PRKN: variants seen among roughly 807,000 people sequenced by gnomAD.
PRKN encodes the protein E3 ubiquitin-protein ligase parkin.
PRKN carries 56 observed loss-of-function variants against 59.5 expected under a neutral mutation model. That is an observed-to-expected ratio of 0.94 (90% CI 0.76 to 1.18). PRKN has a LOEUF of 1.18. Among genes scored for constraint, PRKN ranks in the 50% most tolerant of loss-of-function variants. The pLI is 0.00. For missense variants in PRKN, 657 were observed against 596.4 expected (o/e 1.10, Z -1.06); for synonymous variants, 250 against 222.1 (o/e 1.13, Z -1.12).
At chr6:162,251,385 A>T (rs1018658947) in intron 3 of PRKN, among the ~76,000 whole-genome samples, 1 of 152,150 alleles carries the variant, frequency 6.6e-6, no homozygotes, top group Non-Finnish European at 1.5e-5. Context: ...ATTATGGAAT[A>T]TGATGATCAA....
At chr6:162,399,329 G>A (rs1445237522) in intron 2 of PRKN, among the ~76,000 whole-genome samples, 1 of 152,150 alleles carries the variant, frequency 6.6e-6, no homozygotes, top group Non-Finnish European at 1.5e-5. Flanking sequence ...ATTTGGTTTA[G>A]AGTAACAGAG....
intron 6 of PRKN, among the ~76,000 whole-genome samples, chr6:161,864,256 T>A (rs750514762): frequency 6.6e-6 from 1 of 152,186 alleles, no homozygotes; most frequent in African/African-American, 2.4e-5. Flanking sequence ...CAACTAAGTG[T>A]ATGTAATATT....
At chr6:162,255,841 G>A (rs1271114014) in intron 3 of PRKN, among the ~76,000 whole-genome samples, 1 of 152,134 alleles carries the variant, frequency 6.6e-6, no homozygotes, top group Non-Finnish European at 1.5e-5. Flanking sequence ...GTATATACCA[G>A]GAACTGTGGT....
At chr6:161,944,084 C>A (rs1040728094) in intron 6 of PRKN, among the ~76,000 whole-genome samples, 9 of 115,742 alleles carry the variant, frequency 7.8e-5, no homozygotes, top group African/African-American at 3.4e-4. Context: ...GCCTGAGGGA[C>A]CAGCCTGAGG....
At chr6:161,712,930 A>G (rs905058203) in intron 7 of PRKN, among the ~76,000 whole-genome samples, 1 of 152,098 alleles carries the variant, frequency 6.6e-6, no homozygotes, top group Non-Finnish European at 1.5e-5. Flanking sequence ...TGGGTATCCT[A>G]TAATTCAACT....
At chr6:162,306,620 C>T (rs748132836) in intron 2 of PRKN, among the ~76,000 whole-genome samples, 1 of 152,188 alleles carries the variant, frequency 6.6e-6, no homozygotes, top group Non-Finnish European at 1.5e-5. Flanking sequence ...CTCAGCTGCA[C>T]ACAACGGAAG....
chr6:162,514,175 T>C (rs1026501530), intron 1 of PRKN, among the ~76,000 whole-genome samples: 1 of 151,992 alleles, frequency 6.6e-6, no homozygotes, highest in African/African-American at 2.4e-5. Context: ...AATATGAAAA[T>C]AGTAAGTAAA....
At chr6:161,679,671 AC>A (rs1434446086) in intron 7 of PRKN, among the ~76,000 whole-genome samples, 1 of 53,964 alleles carries the variant, frequency 1.9e-5, no homozygotes, top group African/African-American at 5.3e-5. Flanking sequence ...TTATAATAGA[AC>A]CACCCCCCCC....
chr6:162,489,841 T>G (rs947203374), intron 1 of PRKN, among the ~76,000 whole-genome samples: 1 of 152,240 alleles, frequency 6.6e-6, no homozygotes. Flanking sequence ...ACAGTCTCTT[T>G]GCTTCCAGTA....
At chr6:162,015,990 C>T (rs1217342380) in intron 5 of PRKN, among the ~76,000 whole-genome samples, 1 of 152,118 alleles carries the variant, frequency 6.6e-6, no homozygotes, top group East Asian at 1.9e-4. Flanking sequence ...AGTATTCATT[C>T]TGAGACTCTA....
chr6:162,117,669 C>T (rs1163088412), intron 4 of PRKN, among the ~76,000 whole-genome samples: 1 of 152,202 alleles, frequency 6.6e-6, no homozygotes, highest in East Asian at 1.9e-4. Context: ...CGAACAACAG[C>T]CTCAAGATGG....
Position 161,530,981 on chromosome 6 carries a change from G to C in PRKN, c.1083+17873C>G, listed in dbSNP as rs1779183772. The stretch of plus-strand genomic sequence containing the variant: ...GTTTCATATTTTCAACTACCTACGG[G>C]ATATTTTATTGCTTCAAACAGAACA... On this transcript the variant is annotated intron_variant, in intron 9 of 11. Coordinates refer to ENST00000366898, the MANE Select transcript of PRKN (RefSeq NM_004562.3). The surrounding 1 kb of genome is among the most constrained non-coding windows in gnomAD (Gnocchi z 5.0). 6.6e-6 allele frequency among the ~76,000 whole-genome samples: 1 copy of C among 152,076 alleles called. No homozygotes were observed. Among genetic ancestry groups the C allele is most frequent in the Admixed American group, 6.5e-5 (1 of 15,270 alleles).
chr6:162,439,654 C>A (rs1789956759), intron 2 of PRKN, among the ~76,000 whole-genome samples: 1 of 150,926 alleles, frequency 6.6e-6, no homozygotes. Flanking sequence ...GCCTCTGCCA[C>A]CCCTGAGACA....
Position 161,456,571 on chromosome 6 carries a change from A to G in PRKN, c.1084-69694T>C, listed in dbSNP as rs1789978932. The stretch of plus-strand genomic sequence containing the variant: ...TTCTCCTTAATAAATGCCCCTTCAT[A>G]TATTCATCTATCCAATTAGTTCTGT... On this transcript the variant is annotated intron_variant, in intron 9 of 11. Transcript: ENST00000366898. The surrounding 1 kb of genome is among the most constrained non-coding windows in gnomAD (Gnocchi z 4.8). 6.6e-6 allele frequency among the ~76,000 whole-genome samples: 1 copy of G among 152,104 alleles called. No individual in the cohort carries two copies. Among genetic ancestry groups the G allele is most frequent in the Admixed American group, 6.6e-5 (1 of 15,264 alleles).
chr6:162,417,714 G>A lies in PRKN; in HGVS notation c.171+25596C>T, dbSNP rs9347633. ...ACAACACTTCTCCCAGATAATGTCC[G>A]TTAACGTTTATGGCTTTCGGTTTCT... On this transcript the variant is annotated intron_variant, in intron 2 of 11. Transcript: ENST00000366898. Among the ~76,000 whole-genome samples, 579 of 152,292 alleles carry A rather than the reference G, an allele frequency of 3.8e-3. 13 individuals are homozygous for A. In the East Asian group the frequency reaches 0.066, roughly 17 times the overall value.
At chr6:161,933,888 TCTTTGGACCACA>T (rs1237330039) in intron 6 of PRKN, among the ~76,000 whole-genome samples, 1 of 152,178 alleles carries the variant, frequency 6.6e-6, no homozygotes, top group East Asian at 1.9e-4. Context: ...ACCCCAGAAG[TCTTTGGACCACA>T]CTTTGTCCTA....
chr6:162,042,554 G>A (rs905744597), intron 5 of PRKN, among the ~76,000 whole-genome samples: 1 of 152,046 alleles, frequency 6.6e-6, no homozygotes, highest in African/African-American at 2.4e-5. Flanking sequence ...CTCCCAAAAT[G>A]GTGGGGTTAT....
At chr6:161,479,417 C>G (rs1791282017) in intron 9 of PRKN, among the ~76,000 whole-genome samples, 2 of 152,206 alleles carry the variant, frequency 1.3e-5, no homozygotes, top group South Asian at 4.1e-4. Flanking sequence ...TGTTAACTTT[C>G]TACTTTTTCA....
intron 1 of PRKN, among the ~76,000 whole-genome samples, chr6:162,584,445 C>T (rs1780928152): frequency 6.6e-6 from 1 of 151,902 alleles, no homozygotes; most frequent in African/African-American, 2.4e-5. Flanking sequence ...CCTGCCTTGC[C>T]CCTAAAAAGA....
Sources: allele counts gnomAD v4.1 joint callset (sites outside exome capture counted in the v4.1 genomes callset), GRCh38; gene constraint gnomAD v4.1.1; non-coding constraint Gnocchi (gnomAD v3.1); transcripts MANE v1.5; gene names NCBI Gene and HGNC (gene_info 2026-07-23, HGNC 2026-07-21).